The following MRPS9 variants were observed in gnomAD, a reference collection of about 807,000 sequenced individuals.
MRPS9 encodes small ribosomal subunit protein uS9m.
In MRPS9, 45 loss-of-function variants were observed where a neutral mutation model predicts 59.9. The observed-to-expected ratio is 0.75, with a 90% CI of 0.59 to 0.96. The LOEUF is 0.96. Among genes scored for constraint, MRPS9 ranks in the 40% least tolerant of loss-of-function variants. The probability of loss-of-function intolerance (pLI) is 0.00; values close to 1 mark genes in which losing one functional copy is unlikely to be tolerated. For synonymous variants in MRPS9, 171 were observed against 166.8 expected (o/e 1.03, Z -0.19); for missense variants, 473 against 481.1 (o/e 0.98, Z 0.16).
intron 2 of MRPS9, among the ~76,000 whole-genome samples, chr2:105,050,709 C>CT (rs1308711233): frequency 6.6e-6 from 1 of 152,090 alleles, no homozygotes; most frequent in Admixed American, 6.6e-5. Flanking sequence ...ACCATTATTG[C>CT]TTTTGTCAGG....
chr2:105,053,234 C>T (rs1004301296), intron 2 of MRPS9, among the ~76,000 whole-genome samples: 6 of 151,948 alleles, frequency 3.9e-5, no homozygotes, highest in African/African-American at 1.5e-4. Context: ...GGATGTTTAC[C>T]CAGAATATTA....
chr2:105,089,843 C>A, intron 6 of MRPS9, 77 bp from the exon 7 acceptor site: 4 of 933,078 alleles, frequency 4.3e-6, no homozygotes, highest in South Asian at 3.5e-5. Flanking sequence ...AAAATTGCTA[C>A]TATATGTGGG....
Position 105,084,247 on chromosome 2 carries a change from A to AATATATATATATATATATATAT in MRPS9, c.489+4186_489+4207dup, listed in dbSNP as rs58438490. 4.4e-3 allele frequency among the ~76,000 whole-genome samples: 610 copies of AATATATATATATATATATATAT among 139,402 alleles called. 6 individuals are homozygous for AATATATATATATATATATATAT. Among genetic ancestry groups the AATATATATATATATATATATAT allele is most frequent in the East Asian group, 0.028 (115 of 4,128 alleles). 91.5% of individuals were successfully genotyped at this position (139,402 alleles called of 152,430 possible). A position where few individuals can be genotyped will look rare whatever the true frequency, so the allele number is the denominator to read the frequency against. On this transcript the variant is annotated intron_variant, in intron 5 of 10. Coordinates refer to ENST00000258455, the MANE Select transcript of MRPS9 (RefSeq NM_182640.3). ...TGGCCACAGATGAAATATATACCAA[A>AATATATATATATATATATATAT]ATATATATATATATATATATATGTA...
At chr2:105,099,349 C>T (rs1027248068) in intron 10 of MRPS9, 7 of 193,296 alleles carry the variant, frequency 3.6e-5, no homozygotes, top group African/African-American at 7.0e-5. Context: ...GAATAGTGAC[C>T]GCCCACACAA....
intron 1 of MRPS9, among the ~76,000 whole-genome samples, chr2:105,047,752 T>C (rs1679619670): frequency 6.6e-6 from 1 of 152,066 alleles, no homozygotes; most frequent in Non-Finnish European, 1.5e-5. Context: ...TTTTCTCGTT[T>C]TTTAGCATCT....
intron 10 of MRPS9, 176 bp downstream of exon 10, chr2:105,097,500 T>C: frequency 1.8e-6 from 1 of 552,608 alleles, no homozygotes; most frequent in Non-Finnish European, 2.8e-6. Context: ...ATTTGATTTC[T>C]ACAAGGTGAG....
At position 105,038,199 on chromosome 2, in the gene MRPS9, C is replaced by T. The variant is rs576049076; in HGVS notation, c.107C>T (p.Pro36Leu). ...RKQGLWKTAA[P>L]ELQTNVRSQI... Reference sequence around the variant, plus strand: ...CAAGGCCTCTGGAAAACCGCGGCCCCTGAGTTGCAAACAAATGTCAGATCC... The same window carrying T: ...CAAGGCCTCTGGAAAACCGCGGCCCTTGAGTTGCAAACAAATGTCAGATCC... The change falls in exon 1 of 11, where the codon CCT becomes CTT. Residue 36 changes from proline to leucine, a missense_variant. Coordinates refer to ENST00000258455, the MANE Select transcript of MRPS9 (RefSeq NM_182640.3). The T allele has an allele frequency of 3.1e-6, 5 of 1,612,816 alleles. No homozygotes were observed. The highest frequency in any genetic ancestry group is 1.1e-5 in the South Asian group (1 of 90,734).
At chr2:105,070,823 C>T (rs1041650092) in intron 2 of MRPS9, among the ~76,000 whole-genome samples, 5 of 152,168 alleles carry the variant, frequency 3.3e-5, no homozygotes, top group Non-Finnish European at 7.4e-5. Context: ...TATTGAAAAA[C>T]AGACATGGAA....
In MRPS9 at chr2:105,089,901, A is replaced by G. The variant is rs2104467451; in HGVS notation, c.576-19A>G. The G allele has an allele frequency of 1.3e-6, 2 of 1,548,264 alleles. No individual in the cohort carries two copies. Among genetic ancestry groups the G allele is most frequent in the South Asian group, 1.1e-5 (1 of 87,858 alleles). On this transcript the variant is annotated intron_variant, in intron 6 of 10. Transcript: ENST00000258455. The stretch of plus-strand genomic sequence containing the variant: ...TTGCATGGCTAATTAAAAAGAGAAT[A>G]TATGTGATATTTTAACAGAGACGTG...
intron 1 of MRPS9, among the ~76,000 whole-genome samples, chr2:105,046,854 A>G (rs1265241415): frequency 1.3e-5 from 2 of 152,066 alleles, no homozygotes; most frequent in African/African-American, 2.4e-5. Flanking sequence ...AGAATTATCT[A>G]CTATATGATT....
intron 2 of MRPS9, among the ~76,000 whole-genome samples, chr2:105,061,172 C>T (rs1471354793): frequency 2.0e-5 from 3 of 149,128 alleles, no homozygotes; most frequent in South Asian, 2.1e-4. Flanking sequence ...GAGCAAATGC[C>T]TTTCTACTGA....
At chr2:105,061,639 C>T (rs533959453) in intron 2 of MRPS9, among the ~76,000 whole-genome samples, 7 of 152,274 alleles carry the variant, frequency 4.6e-5, no homozygotes, top group African/African-American at 1.7e-4. Context: ...CCATTCCTCC[C>T]CACCATCCCT....
chr2:105,091,313 C>G (rs2104468377), intron 7 of MRPS9: 1 of 470,946 alleles, frequency 2.1e-6, no homozygotes, highest in East Asian at 7.0e-5. Flanking sequence ...CCATAGTGCC[C>G]CTTTGTAGGT....
chr2:105,053,260 A>G (rs1187199753), intron 2 of MRPS9, among the ~76,000 whole-genome samples: 2 of 152,182 alleles, frequency 1.3e-5, no homozygotes, highest in Admixed American at 6.5e-5. Context: ...GGATGTTAAT[A>G]TTATTTTCAT....
chr2:105,088,229 G>A (rs775489624), intron 5 of MRPS9, among the ~76,000 whole-genome samples: 10 of 152,058 alleles, frequency 6.6e-5, no homozygotes, highest in Non-Finnish European at 8.8e-5. Flanking sequence ...AAATACAAAT[G>A]TATTGAGTGT....
intron 1 of MRPS9, chr2:105,038,494 G>C (rs374521265): frequency 6.1e-5 from 28 of 455,890 alleles, no homozygotes; most frequent in East Asian, 4.5e-4. Flanking sequence ...TCATTTGGCT[G>C]CTGAGCTAAG....
rs1231050373 is a variant in MRPS9, at chr2:105,055,586, G to GGCCCCTTTTGGT, written c.315+6236_315+6237insGCCCCTTTTGGT. ...GTATTGCATTTTATTAAATATAGCG[G>GGCCCCTTTTGGT]ACCCCTTTTGGTATTGCATTTTATT... On this transcript the variant is annotated intron_variant, in intron 2 of 10. Coordinates refer to ENST00000258455, the MANE Select transcript of MRPS9 (RefSeq NM_182640.3). 2.2e-4 allele frequency among the ~76,000 whole-genome samples: 33 copies of GGCCCCTTTTGGT among 150,924 alleles called. 1 individual carries two copies. The highest frequency in any genetic ancestry group is 7.3e-4 in the African/African-American group (30 of 40,968).
At chr2:105,041,948 T>TAAATA (rs1475434920) in intron 1 of MRPS9, among the ~76,000 whole-genome samples, 1 of 152,230 alleles carries the variant, frequency 6.6e-6, no homozygotes, top group Non-Finnish European at 1.5e-5. Flanking sequence ...AAGAGCTTGA[T>TAAATA]AATAAATGCT....
At chr2:105,038,499 G>A in intron 1 of MRPS9, 3 of 447,624 alleles carry the variant, frequency 6.7e-6, no homozygotes, top group Middle Eastern at 6.5e-4. Context: ...TGGCTGCTGA[G>A]CTAAGTAAGG....
Sources: gnomAD v4.1 joint callset for allele counts (sites outside exome capture counted in the v4.1 genomes callset) on GRCh38, gnomAD v4.1.1 for gene constraint, MANE v1.5 for transcripts, NCBI Gene and HGNC (gene_info 2026-07-23, HGNC 2026-07-21) for gene names.